PTPRA: variants seen among roughly 807,000 people sequenced by gnomAD.
The protein encoded by PTPRA is protein tyrosine phosphatase receptor type A.
Under a neutral mutation model 104.8 loss-of-function variants are expected in PTPRA, and 25 were observed. The ratio of observed to expected loss-of-function variants is 0.24; its 90% CI spans 0.17 to 0.33. The LOEUF is 0.33. Ranked by LOEUF, PTPRA falls within the 10% of genes least tolerant of loss-of-function variation. The pLI, the probability that PTPRA is intolerant of heterozygous loss-of-function variation, is 1.00. For missense variants in PTPRA, 765 were observed against 1,015.3 expected (o/e 0.75, Z 3.35); for synonymous variants, 323 against 368.9 (o/e 0.88, Z 1.43).
At position 2,984,930 on chromosome 20, in the gene PTPRA, A is replaced by G. The variant is rs140221247; in HGVS notation, c.443-1835A>G. Among the ~76,000 whole-genome samples, 50 of 152,174 alleles carry G rather than the reference A, an allele frequency of 3.3e-4. No individual in the cohort carries two copies. In the East Asian group the frequency reaches 8.5e-3, roughly 26 times the overall value. ...CTGTATCACTGCTCCCCAACCTGTC[A>G]CTTTCTCTCTCCCCACCCTGCTTTT... is the stretch of plus-strand genomic sequence containing the variant. On this transcript the variant is annotated intron_variant, in intron 6 of 23. Coordinates refer to ENST00000399903, the MANE Select transcript of PTPRA (RefSeq NM_001385305.1).
chr20:2,985,846 T>G (rs1427416882), intron 6 of PTPRA, among the ~76,000 whole-genome samples: 1 of 152,164 alleles, frequency 6.6e-6, no homozygotes, highest in Non-Finnish European at 1.5e-5. Context: ...CCTCCCAAAG[T>G]GCTGGGATAG....
intron 2 of PTPRA, among the ~76,000 whole-genome samples, chr20:2,929,558 C>T (rs765499201): frequency 6.6e-6 from 1 of 152,074 alleles, no homozygotes; most frequent in Non-Finnish European, 1.5e-5. Flanking sequence ...GGCATGGTAG[C>T]TCATGTTTGT....
intron 9 of PTPRA, among the ~76,000 whole-genome samples, chr20:3,001,604 G>C (rs1402610551): frequency 6.6e-6 from 1 of 152,110 alleles, no homozygotes; most frequent in Non-Finnish European, 1.5e-5. Context: ...GAAATCTTAT[G>C]TGAAGGAAGA....
chr20:2,953,294 A>G (rs1568667223), intron 3 of PTPRA, among the ~76,000 whole-genome samples: 1 of 151,460 alleles, frequency 6.6e-6, no homozygotes, highest in Non-Finnish European at 1.5e-5. Context: ...TCACTCTGTC[A>G]CCCAGGCTGA....
intron 6 of PTPRA, among the ~76,000 whole-genome samples, chr20:2,986,216 G>A (rs2062903151): frequency 6.6e-6 from 1 of 152,122 alleles, no homozygotes; most frequent in Admixed American, 6.5e-5. Context: ...TTGTCTCCTT[G>A]TTTTAATTAG....
intron 1 of PTPRA, among the ~76,000 whole-genome samples, chr20:2,914,462 T>TGC (rs1717262499): frequency 6.7e-6 from 1 of 149,282 alleles, no homozygotes; most frequent in Admixed American, 6.7e-5. Flanking sequence ...TGTGTGTGTG[T>TGC]GTGTGTGTGT....
At chr20:2,984,550 A>C (rs574594052) in intron 6 of PTPRA, among the ~76,000 whole-genome samples, 1 of 152,294 alleles carries the variant, frequency 6.6e-6, no homozygotes, top group South Asian at 2.1e-4. Flanking sequence ...CTCTCACCTC[A>C]TGGCTACTGC....
chr20:2,972,768 A>C (rs964235131), intron 5 of PTPRA, among the ~76,000 whole-genome samples: 1 of 151,798 alleles, frequency 6.6e-6, no homozygotes, highest in African/African-American at 2.4e-5. Context: ...CTAGTGCTGG[A>C]GTGCAGTGGC....
chr20:3,024,434 G>A, intron 16 of PTPRA, 38 bp from the exon 17 acceptor site: 1 of 1,594,614 alleles, frequency 6.3e-7, no homozygotes, highest in South Asian at 1.1e-5. Context: ...GAACTATGTT[G>A]TATGTAACCA....
upstream of PTPRA, among the ~76,000 whole-genome samples, chr20:2,869,262 T>A (rs1276603280): frequency 6.6e-6 from 1 of 152,240 alleles, no homozygotes; most frequent in Non-Finnish European, 1.5e-5. Context: ...GTTGCAGACA[T>A]CAGTACACCT....
At position 3,022,387 on chromosome 20, in the gene PTPRA, A is replaced by C. The variant is rs979994067; in HGVS notation, c.1328+167A>C. ...TCCAAGTTCTAGTGCAGGGTGGAGA[A>C]TATGACTTGAGGAAGGAGGGTAGGG... On this transcript the variant is annotated intron_variant, in intron 15 of 23. Coordinates refer to ENST00000399903, the MANE Select transcript of PTPRA (RefSeq NM_001385305.1). The surrounding 1 kb of genome is among the most constrained non-coding windows in gnomAD (Gnocchi z 4.6). Among the ~76,000 whole-genome samples the C allele has an allele frequency of 6.6e-6, 1 of 152,228 alleles. No homozygotes were observed. The highest frequency in any genetic ancestry group is 1.5e-5 in the Non-Finnish European group (1 of 68,036).
chr20:2,948,883 C>T (rs896509627), intron 3 of PTPRA, among the ~76,000 whole-genome samples: 2 of 151,880 alleles, frequency 1.3e-5, no homozygotes, highest in Non-Finnish European at 2.9e-5. Flanking sequence ...ACCCGGGAGG[C>T]GGAGCTTGCA....
At position 3,005,036 on chromosome 20, in the gene PTPRA, A is replaced by G; in HGVS notation, c.739-20A>G. 2.6e-6 allele frequency: 4 copies of G among 1,559,436 alleles called. No homozygotes were observed. Among genetic ancestry groups the G allele is most frequent in the South Asian group, 1.1e-5 (1 of 89,624 alleles). ...GTTTATCCCTGCTAATAATTCCTCT[A>G]ATTTCTCTTAACCTTTCAGGCTCTC... On this transcript the variant is annotated intron_variant, in intron 9 of 23. Coordinates refer to ENST00000399903, the MANE Select transcript of PTPRA (RefSeq NM_001385305.1).
In PTPRA at chr20:2,931,121, A is replaced by G. The variant is rs144106358; in HGVS notation, c.-50+7836A>G. On this transcript the variant is annotated intron_variant, in intron 2 of 23. Coordinates refer to ENST00000399903, the MANE Select transcript of PTPRA (RefSeq NM_001385305.1). Reference sequence around the variant, plus strand: ...GGATTCTGGGGCTCCCACTCAAGATATCCCAAACCCAAATCTTCAGACTGG... The same window carrying G: ...GGATTCTGGGGCTCCCACTCAAGATGTCCCAAACCCAAATCTTCAGACTGG... Among the ~76,000 whole-genome samples the G allele has an allele frequency of 4.9e-3, 746 of 152,262 alleles. 5 individuals are homozygous for G. The highest frequency in any genetic ancestry group is 0.017 in the African/African-American group (713 of 41,560).
chr20:2,900,204 C>CGGTA (rs1555801012), intron 1 of PTPRA, among the ~76,000 whole-genome samples: 1 of 151,818 alleles, frequency 6.6e-6, no homozygotes, highest in Non-Finnish European at 1.5e-5. Flanking sequence ...GTCACCCAGG[C>CGGTA]GGTAGCGCAG....
At chr20:3,014,569 G>A (rs758383501) in intron 11 of PTPRA, among the ~76,000 whole-genome samples, 24 of 152,016 alleles carry the variant, frequency 1.6e-4, no homozygotes, top group Admixed American at 6.6e-5. Flanking sequence ...ACTTGAACCC[G>A]GGAGCAGAAG....
chr20:2,987,707 G>T (rs1001995706), intron 7 of PTPRA, among the ~76,000 whole-genome samples: 3 of 152,048 alleles, frequency 2.0e-5, no homozygotes, highest in African/African-American at 7.2e-5. Context: ...GATATATATT[G>T]TCTGTCTCCC....
rs547594427 is a variant in PTPRA, at chr20:2,898,675, T to G, written c.-128-24532T>G. Among the ~76,000 whole-genome samples, 45 of 152,044 alleles carry G rather than the reference T, an allele frequency of 3.0e-4. No individual in the cohort carries two copies. In the East Asian group the frequency reaches 3.1e-3, roughly 11 times the overall value. ...GAGTTCGAGACCAGCCTGGCCAACA[T>G]AGTGAAACCTTGTCTCTACTAAAAA... On this transcript the variant is annotated intron_variant, in intron 1 of 23. Transcript: ENST00000399903.
rs563318817 is a variant in PTPRA, at chr20:2,878,802, T to G, written c.-129+5042T>G. The stretch of plus-strand genomic sequence containing the variant: ...ATGATACCTTGAATTAGGTTTAATT[T>G]ACATTGCTTTGGAAAAAGAGACCAG... On this transcript the variant is annotated intron_variant, in intron 1 of 23. Coordinates refer to ENST00000399903, the MANE Select transcript of PTPRA (RefSeq NM_001385305.1). Among the ~76,000 whole-genome samples the G allele has an allele frequency of 7.9e-5, 12 of 152,366 alleles. No individual in the cohort carries two copies. The South Asian group carries it at 2.5e-3, about 32-fold the overall frequency.
Sources: allele counts gnomAD v4.1 joint callset (sites outside exome capture counted in the v4.1 genomes callset), GRCh38; gene constraint gnomAD v4.1.1; non-coding constraint Gnocchi (gnomAD v3.1); transcripts MANE v1.5; gene names NCBI Gene and HGNC (gene_info 2026-07-23, HGNC 2026-07-21).